Variants in TMEM178A observed in about 807,000 individuals in gnomAD.
The protein encoded by TMEM178A is transmembrane protein 178A.
A neutral mutation model predicts 29.1 loss-of-function variants in TMEM178A; 12 were observed. That is an observed-to-expected ratio of 0.41 (90% confidence interval 0.26 to 0.67). TMEM178A has a LOEUF of 0.67. Among genes scored for constraint, TMEM178A ranks in the 30% least tolerant of loss-of-function variants. The pLI is 0.29. For missense variants in TMEM178A, 366 were observed against 419.1 expected (o/e 0.87, Z 1.11); for synonymous variants, 210 against 187.2 (o/e 1.12, Z -0.99).
At chr2:39,680,612 G>A (rs1670827457) in intron 1 of TMEM178A, among the ~76,000 whole-genome samples, 2 of 152,146 alleles carry the variant, frequency 1.3e-5, no homozygotes, top group Admixed American at 1.3e-4. Flanking sequence ...TCAGGAACTG[G>A]AATTAGAGTT....
chr2:39,674,181 T>A (rs1448980263), intron 1 of TMEM178A, among the ~76,000 whole-genome samples: 1 of 151,994 alleles, frequency 6.6e-6, no homozygotes, highest in African/African-American at 2.4e-5. Context: ...ACTGCCAACA[T>A]CAACGGTTCA....
the TMEM178A span, among the ~76,000 whole-genome samples, chr2:39,734,181 C>T: frequency 6.6e-6 from 1 of 152,238 alleles, no homozygotes; most frequent in Non-Finnish European, 1.5e-5. Context: ...TTTTGCTCCC[C>T]TTCCATTCCA....
At chr2:39,727,972 T>A in the TMEM178A span, among the ~76,000 whole-genome samples, 1 of 152,236 alleles carries the variant, frequency 6.6e-6, no homozygotes. Context: ...TTGATGGACA[T>A]TTGGGTTGGT....
At chr2:39,684,239 G>C (rs991274300) in intron 1 of TMEM178A, among the ~76,000 whole-genome samples, 4 of 152,030 alleles carry the variant, frequency 2.6e-5, no homozygotes, top group African/African-American at 9.7e-5. Flanking sequence ...ATTGCTATCA[G>C]TTTGATAGGG....
At chr2:39,728,335 G>T in the TMEM178A span, among the ~76,000 whole-genome samples, 1 of 152,310 alleles carries the variant, frequency 6.6e-6, no homozygotes, top group East Asian at 1.9e-4. Context: ...CAGGAAGTCG[G>T]TGTCTCCCTG....
the TMEM178A span, among the ~76,000 whole-genome samples, chr2:39,725,080 A>G: frequency 6.6e-6 from 1 of 152,322 alleles, no homozygotes; most frequent in East Asian, 1.9e-4. Flanking sequence ...ATAAAGTAAC[A>G]GTTTAAAGAG....
At chr2:39,698,620 T>C (rs1287091292) in intron 1 of TMEM178A, among the ~76,000 whole-genome samples, 1 of 152,194 alleles carries the variant, frequency 6.6e-6, no homozygotes, top group African/African-American at 2.4e-5. Context: ...AATTTCCTTT[T>C]CTTGTGGTGT....
intron 1 of TMEM178A, among the ~76,000 whole-genome samples, chr2:39,667,806 C>T (rs1158843157): frequency 1.3e-5 from 2 of 152,200 alleles, no homozygotes; most frequent in South Asian, 4.1e-4. Context: ...TTTCTTTTCT[C>T]TCCTAACTTG....
the TMEM178A span, among the ~76,000 whole-genome samples, chr2:39,727,426 A>G: frequency 1.2e-4 from 19 of 152,370 alleles, no homozygotes; most frequent in African/African-American, 4.6e-4. Flanking sequence ...AATTAGCAAG[A>G]TTTCTCTAAG....
At chr2:39,689,729 A>C (rs1671231822) in intron 1 of TMEM178A, among the ~76,000 whole-genome samples, 1 of 152,234 alleles carries the variant, frequency 6.6e-6, no homozygotes, top group South Asian at 2.1e-4. Flanking sequence ...TGATGTTAGC[A>C]AATGAAAGAA....
rs894931412 is a variant in TMEM178A, at chr2:39,706,964, C to G, written c.515-85C>G. 4.1e-6 allele frequency: 6 copies of G among 1,477,190 alleles called. No individual in the cohort carries two copies. The Admixed American group carries it at 1.4e-4, about 34-fold the overall frequency. 91.5% of individuals were successfully genotyped at this position (1,477,190 alleles called of 1,614,324 possible). A position where few individuals can be genotyped will look rare whatever the true frequency, so the allele number is the denominator to read the frequency against. Reference sequence around the variant, plus strand: ...TGTCCATGTAACTTACTAATTTTCACAATGTATACAAAGCCCTAATTCTCT... The same window carrying G: ...TGTCCATGTAACTTACTAATTTTCAGAATGTATACAAAGCCCTAATTCTCT... On this transcript the variant is annotated intron_variant, in intron 2 of 3. Coordinates refer to ENST00000281961, the MANE Select transcript of TMEM178A (RefSeq NM_152390.3).
At chr2:39,719,114 GTATTCAC>G (rs1672650232), downstream of TMEM178A, among the ~76,000 whole-genome samples, 1 of 152,194 alleles carries the variant, frequency 6.6e-6, no homozygotes, top group Non-Finnish European at 1.5e-5. Context: ...GCTCATGAGT[GTATTCAC>G]TGGCACTCTC....
intron 3 of TMEM178A, among the ~76,000 whole-genome samples, chr2:39,714,659 A>G (rs1672458649): frequency 6.6e-6 from 1 of 152,250 alleles, no homozygotes; most frequent in Non-Finnish European, 1.5e-5. Flanking sequence ...CTGAGAGCAG[A>G]GAGAAATCAT....
chr2:39,720,874 A>C (rs563471561), downstream of TMEM178A, among the ~76,000 whole-genome samples: 151 of 152,334 alleles, frequency 9.9e-4, 1 homozygote, highest in African/African-American at 3.4e-3. Flanking sequence ...CCTCATTAGA[A>C]TAATTAAAGG....
At chr2:39,676,616 G>T (rs1050098143) in intron 1 of TMEM178A, among the ~76,000 whole-genome samples, 1 of 152,170 alleles carries the variant, frequency 6.6e-6, no homozygotes, top group Non-Finnish European at 1.5e-5. Flanking sequence ...TCAAGCTTCA[G>T]CCCTGGGGCT....
chr2:39,689,942 C>T (rs1320014530), intron 1 of TMEM178A, among the ~76,000 whole-genome samples: 1 of 152,210 alleles, frequency 6.6e-6, no homozygotes, highest in African/African-American at 2.4e-5. Flanking sequence ...CGAGGTGGCA[C>T]AGCTCAATGC....
At chr2:39,704,694 G>A (rs890809144) in intron 2 of TMEM178A, among the ~76,000 whole-genome samples, 4 of 152,180 alleles carry the variant, frequency 2.6e-5, no homozygotes, top group Admixed American at 2.0e-4. Flanking sequence ...TTCACTGTCA[G>A]GAAAATGTGA....
chr2:39,693,890 C>G (rs79325229), intron 1 of TMEM178A, among the ~76,000 whole-genome samples: 2 of 151,294 alleles, frequency 1.3e-5, no homozygotes, highest in Non-Finnish European at 2.9e-5. Flanking sequence ...GTCAGCCTAA[C>G]CCAATGACAG....
intron 1 of TMEM178A, among the ~76,000 whole-genome samples, chr2:39,668,916 G>A (rs1177717149): frequency 1.3e-5 from 2 of 152,136 alleles, no homozygotes; most frequent in Admixed American, 6.5e-5. Flanking sequence ...CCCATATTAG[G>A]CAAACATTAT....
Sources: gnomAD v4.1 joint callset for allele counts (sites outside exome capture counted in the v4.1 genomes callset) on GRCh38, gnomAD v4.1.1 for gene constraint, MANE v1.5 for transcripts, NCBI Gene and HGNC (gene_info 2026-07-23, HGNC 2026-07-21) for gene names.